The following MAML2 variants were observed in gnomAD, a reference collection of about 807,000 sequenced individuals.
The protein encoded by MAML2 is mastermind like transcriptional coactivator 2.
A neutral mutation model predicts 96.1 loss-of-function variants in MAML2; 22 were observed. That is an observed-to-expected ratio of 0.23 (90% CI 0.16 to 0.33). MAML2 has a LOEUF of 0.33. Ranked by LOEUF, MAML2 falls within the 10% of genes least tolerant of loss-of-function variation. The probability of loss-of-function intolerance (pLI) is 1.00; values close to 1 mark genes in which losing one functional copy is unlikely to be tolerated. For missense variants in MAML2, 1,367 were observed against 1,392.4 expected (o/e 0.98, Z 0.29); for synonymous variants, 561 against 521.3 (o/e 1.08, Z -1.04).
intron 1 of MAML2, among the ~76,000 whole-genome samples, chr11:96,216,389 C>T (rs1013384964): frequency 1.3e-5 from 2 of 152,198 alleles, no homozygotes; most frequent in African/African-American, 2.4e-5. Context: ...TCTTAAGTCC[C>T]ACCTCAAATT....
chr11:96,309,696 A>ATTTTTTT (rs36116461), intron 1 of MAML2, among the ~76,000 whole-genome samples: 2 of 138,738 alleles, frequency 1.4e-5, no homozygotes. Context: ...CAAAGGAACA[A>ATTTTTTT]TTTTTTTTTT....
intron 1 of MAML2, among the ~76,000 whole-genome samples, chr11:96,318,568 A>AG (rs1287751527): frequency 6.6e-6 from 1 of 152,210 alleles, no homozygotes; most frequent in Non-Finnish European, 1.5e-5. Context: ...TTTCCTGCTA[A>AG]GTCTGGTCAA....
chr11:96,173,969 C>T (rs1861344203), intron 1 of MAML2, among the ~76,000 whole-genome samples: 2 of 152,224 alleles, frequency 1.3e-5, no homozygotes, highest in African/African-American at 2.4e-5. Context: ...GCATATCCCC[C>T]ATGTGCTAAC....
At chr11:96,041,987 T>G (rs953695436) in intron 2 of MAML2, among the ~76,000 whole-genome samples, 10 of 150,514 alleles carry the variant, frequency 6.6e-5, no homozygotes, top group Non-Finnish European at 1.2e-4. Flanking sequence ...TTTTTTTTTT[T>G]TTTTTTTGAG....
chr11:96,342,536 C>T lies in MAML2; in HGVS notation c.-641G>A. Reference sequence around the variant, plus strand: ...ATGTGCAAAAATCAAGGGAGACTGTCTTTTGGCTTTTAATTTTTCCTCCCT... The same window carrying T: ...ATGTGCAAAAATCAAGGGAGACTGTTTTTTGGCTTTTAATTTTTCCTCCCT... On this transcript the variant is annotated 5_prime_UTR_variant, in exon 1 of 5. Transcript: ENST00000524717. 1 of 397,772 alleles carries T rather than the reference C, an allele frequency of 2.5e-6. No individual in the cohort carries two copies. The highest frequency in any genetic ancestry group is 4.4e-6 in the Non-Finnish European group (1 of 225,812). The allele number at this position is 397,772 out of a possible 1,614,324, so 24.6% of individuals were successfully genotyped here. A position where few individuals can be genotyped will look rare whatever the true frequency, so the allele number is the denominator to read the frequency against.
intron 1 of MAML2, among the ~76,000 whole-genome samples, chr11:96,334,561 G>A (rs966974107): frequency 3.9e-5 from 6 of 152,076 alleles, no homozygotes; most frequent in African/African-American, 7.2e-5. Context: ...CCTTACACAA[G>A]CCAACTGTAA....
At chr11:96,314,618 C>T (rs958473061) in intron 1 of MAML2, among the ~76,000 whole-genome samples, 5 of 152,210 alleles carry the variant, frequency 3.3e-5, no homozygotes, top group East Asian at 1.9e-4. Flanking sequence ...CTAAGATAAC[C>T]TAAAACACAG....
In MAML2 at chr11:96,148,522, C is replaced by G. The variant is rs187623312; in HGVS notation, c.514-55005G>C. 1.9e-3 allele frequency among the ~76,000 whole-genome samples: 292 copies of G among 151,600 alleles called. 3 individuals carry two copies. Among genetic ancestry groups the G allele is most frequent in the Non-Finnish European group, 3.4e-3 (233 of 67,990 alleles). Reference sequence around the variant, plus strand: ...GAGGCCTGGTAGGTGCCTGTCTACACTATGATTTGCAGGGTGCCTACCCGC... The same window carrying G: ...GAGGCCTGGTAGGTGCCTGTCTACAGTATGATTTGCAGGGTGCCTACCCGC... On this transcript the variant is annotated intron_variant, in intron 1 of 4. Transcript: ENST00000524717.
At chr11:96,183,494 C>G (rs1459132131) in intron 1 of MAML2, among the ~76,000 whole-genome samples, 1 of 148,848 alleles carries the variant, frequency 6.7e-6, no homozygotes, top group Non-Finnish European at 1.5e-5. Context: ...ACCTCCTGGG[C>G]ACAAGTAATC....
Position 96,294,763 on chromosome 11 carries a change from A to G in MAML2, c.513+46620T>C, listed in dbSNP as rs532312849. 1.3e-4 allele frequency among the ~76,000 whole-genome samples: 20 copies of G among 152,296 alleles called. No individual in the cohort carries two copies. The South Asian group carries it at 3.3e-3, about 25-fold the overall frequency. ...CTCTACACTGTCCCAATTTATCAAC[A>G]CTATAAAATAAGCATGATTATTATT... On this transcript the variant is annotated intron_variant, in intron 1 of 4. Transcript: ENST00000524717.
intron 1 of MAML2, among the ~76,000 whole-genome samples, chr11:96,170,165 C>T (rs1246430482): frequency 1.3e-5 from 2 of 152,208 alleles, no homozygotes; most frequent in African/African-American, 4.8e-5. Context: ...TGCCCAGCAT[C>T]GTGCTCACAT....
At chr11:96,039,963 C>CAAAAAAAAAAAAAAAAAA (rs67545681) in intron 2 of MAML2, among the ~76,000 whole-genome samples, 1 of 104,578 alleles carries the variant, frequency 9.6e-6, no homozygotes, top group Non-Finnish European at 2.1e-5. Context: ...GACTCTGTCT[C>CAAAAAAAAAAAAAAAAAA]AAAAAAAAAA....
At chr11:96,200,399 T>A (rs1039395816) in intron 1 of MAML2, among the ~76,000 whole-genome samples, 1 of 152,188 alleles carries the variant, frequency 6.6e-6, no homozygotes, top group Admixed American at 6.5e-5. Flanking sequence ...TAAACACAAT[T>A]CTTCTAACAA....
At chr11:96,001,956 G>T (rs1858084692) in intron 2 of MAML2, among the ~76,000 whole-genome samples, 1 of 151,970 alleles carries the variant, frequency 6.6e-6, no homozygotes, top group Admixed American at 6.6e-5. Context: ...TCTCTGCCTG[G>T]AACACTCTTT....
intron 1 of MAML2, among the ~76,000 whole-genome samples, chr11:96,110,425 C>T (rs1860098258): frequency 6.6e-6 from 1 of 152,178 alleles, no homozygotes; most frequent in African/African-American, 2.4e-5. Context: ...CCTAGTCTTC[C>T]AAATTTTCCT....
At chr11:96,153,403 T>C (rs921014592) in intron 1 of MAML2, among the ~76,000 whole-genome samples, 2 of 152,196 alleles carry the variant, frequency 1.3e-5, no homozygotes, top group Non-Finnish European at 2.9e-5. Flanking sequence ...TCCTGGCAAG[T>C]TATTGTAACA....
chr11:96,166,175 T>A (rs61901887), intron 1 of MAML2, among the ~76,000 whole-genome samples: 11,371 of 100,776 alleles, frequency 0.11, 416 homozygotes, highest in African/African-American at 0.13. Context: ...TCTCTCTCTC[T>A]CTCACACACA....
At chr11:96,007,818 T>G (rs1201071773) in intron 2 of MAML2, among the ~76,000 whole-genome samples, 1 of 140,770 alleles carries the variant, frequency 7.1e-6, no homozygotes, top group African/African-American at 2.7e-5. Context: ...TAGGTGGGAA[T>G]TGAACAATGA....
chr11:96,019,828 G>T (rs559277897), intron 2 of MAML2, among the ~76,000 whole-genome samples: 1 of 152,158 alleles, frequency 6.6e-6, no homozygotes, highest in East Asian at 1.9e-4. Context: ...AATATTGGAA[G>T]AATATGATTA....
Sources: allele counts gnomAD v4.1 joint callset (sites outside exome capture counted in the v4.1 genomes callset), GRCh38; gene constraint gnomAD v4.1.1; transcripts MANE v1.5; gene names NCBI Gene and HGNC (gene_info 2026-07-23, HGNC 2026-07-21).